Variants in N4BP2 observed in about 807,000 individuals in gnomAD.
N4BP2 encodes the protein NEDD4 binding protein 2.
N4BP2 carries 91 observed loss-of-function variants against 152.8 expected under a neutral mutation model. The observed-to-expected ratio is 0.60, with a 90% CI of 0.50 to 0.71. The LOEUF (loss-of-function observed/expected upper bound fraction) is 0.71, where lower values mean the gene tolerates loss of function less well. Among genes scored for constraint, N4BP2 ranks in the 30% least tolerant of loss-of-function variants. The pLI, the probability that N4BP2 is intolerant of heterozygous loss-of-function variation, is 0.00. For synonymous variants in N4BP2, 646 were observed against 705.3 expected (o/e 0.92, Z 1.33); for missense variants, 1,923 against 2,059.1 (o/e 0.93, Z 1.28).
chr4:40,095,573 G>C (rs1715035085), intron 2 of N4BP2, among the ~76,000 whole-genome samples: 1 of 152,176 alleles, frequency 6.6e-6, no homozygotes, highest in African/African-American at 2.4e-5. Flanking sequence ...TGCAGTTCTG[G>C]AAGGTGGAGA....
intron 2 of N4BP2, among the ~76,000 whole-genome samples, chr4:40,091,201 C>T (rs993895543): frequency 6.6e-6 from 1 of 151,942 alleles, no homozygotes; most frequent in Admixed American, 6.6e-5. Context: ...ACCATGTTAT[C>T]TGCAAATAGG....
intron 2 of N4BP2, among the ~76,000 whole-genome samples, chr4:40,083,734 A>G (rs1278517598): frequency 6.6e-6 from 1 of 152,150 alleles, no homozygotes; most frequent in South Asian, 2.1e-4. Flanking sequence ...GAGTTAATAG[A>G]AATGTTCTGG....
chr4:40,120,523 C>G lies in N4BP2; in HGVS notation c.2412C>G (p.Asn804Lys). The change falls in exon 9 of 18, where the codon AAC becomes AAG. Residue 804 changes from asparagine to lysine, a missense_variant. Coordinates refer to ENST00000261435, the MANE Select transcript of N4BP2 (RefSeq NM_018177.6). ...DKTIGQRTKR[N>K]RKTEKTSSVQ... ...CTATTGGTCAGAGGACAAAAAGGAA[C>G]AGAAAAACTGAAAAAACTTCATCCG... 6.2e-7 allele frequency: 1 copy of G among 1,613,250 alleles called. No individual in the cohort carries two copies. Among genetic ancestry groups the G allele is most frequent in the Non-Finnish European group, 8.5e-7 (1 of 1,179,808 alleles).
At chr4:40,153,782 TC>T (rs1299206382) in intron 17 of N4BP2, among the ~76,000 whole-genome samples, 1 of 152,236 alleles carries the variant, frequency 6.6e-6, no homozygotes, top group African/African-American at 2.4e-5. Context: ...AGACTAGTCT[TC>T]CTTTAAATTC....
chr4:40,129,881 ATAAT>A (rs1392635753), intron 12 of N4BP2, among the ~76,000 whole-genome samples: 1 of 152,200 alleles, frequency 6.6e-6, no homozygotes. Flanking sequence ...TATGAATAGA[ATAAT>A]TAATTTTAAG....
the N4BP2 span, among the ~76,000 whole-genome samples, chr4:40,182,025 C>T: frequency 4.7e-4 from 72 of 152,318 alleles, no homozygotes; most frequent in African/African-American, 1.7e-3. Flanking sequence ...AGGTTGCTTA[C>T]ACCCCATTAC....
chr4:40,089,731 C>A (rs1266674323), intron 2 of N4BP2, among the ~76,000 whole-genome samples: 1 of 152,170 alleles, frequency 6.6e-6, no homozygotes, highest in African/African-American at 2.4e-5. Flanking sequence ...GCCACTGCAC[C>A]CAGCCACGAT....
chr4:40,136,153 T>C (rs1389467499), intron 13 of N4BP2, among the ~76,000 whole-genome samples: 3 of 152,148 alleles, frequency 2.0e-5, no homozygotes, highest in Admixed American at 6.5e-5. Flanking sequence ...AGAATTTGAC[T>C]AAAATCCCAT....
At position 40,139,703 on chromosome 4, in the gene N4BP2, A is replaced by G. The variant is rs185183941; in HGVS notation, c.4785+2621A>G. On this transcript the variant is annotated intron_variant, in intron 14 of 17. Transcript: ENST00000261435. ...AGACGGGGTTTCACTGTCTTGGCCA[A>G]GCTGGTCTTGAACTCCTGACCTTGT... is the stretch of plus-strand genomic sequence containing the variant. Among the ~76,000 whole-genome samples the G allele has an allele frequency of 2.4e-3, 359 of 151,162 alleles. 1 individual carries two copies. The highest frequency in any genetic ancestry group is 8.3e-3 in the African/African-American group (341 of 41,138).
At chr4:40,141,294 G>A (rs1197969802) in intron 14 of N4BP2, among the ~76,000 whole-genome samples, 1 of 151,758 alleles carries the variant, frequency 6.6e-6, no homozygotes, top group Non-Finnish European at 1.5e-5. Flanking sequence ...CCTGGACGGG[G>A]TGGCTGCCGG....
At chr4:40,059,346 A>T (rs2109879882) in intron 1 of N4BP2, among the ~76,000 whole-genome samples, 1 of 152,050 alleles carries the variant, frequency 6.6e-6, no homozygotes, top group East Asian at 1.9e-4. Flanking sequence ...CTTTAGAAGT[A>T]GTTTATGTTA....
chr4:40,127,841 T>G (rs1718561035), intron 12 of N4BP2, among the ~76,000 whole-genome samples: 1 of 152,138 alleles, frequency 6.6e-6, no homozygotes, highest in Non-Finnish European at 1.5e-5. Flanking sequence ...TTTGTATTTT[T>G]TAGTAGAGAC....
rs1715212470 is a variant in N4BP2, at chr4:40,097,546, T to C, written c.206T>C (p.Met69Thr). 6.2e-7 allele frequency: 1 copy of C among 1,612,518 alleles called. No homozygotes were observed. Among genetic ancestry groups the C allele is most frequent in the Non-Finnish European group, 8.5e-7 (1 of 1,178,618 alleles). The change falls in exon 3 of 18, where the codon ATG (methionine) becomes ACG (threonine). Residue 69 changes from methionine to threonine, a missense_variant. Met to Thr is a moderately conservative substitution (Grantham distance 81). Coordinates refer to ENST00000261435, the MANE Select transcript of N4BP2 (RefSeq NM_018177.6). ...SDLDPDVVYL[M>T]LSECDFKVEN... ...CTGGATCCTGATGTAGTGTATTTGA[T>C]GCTTTCTGAATGTGATTTCAAAGGT... is the stretch of plus-strand genomic sequence containing the variant.
chr4:40,187,182 G>A, the N4BP2 span, among the ~76,000 whole-genome samples: 1 of 151,948 alleles, frequency 6.6e-6, no homozygotes, highest in East Asian at 1.9e-4. Flanking sequence ...TTGCCAATAG[G>A]TCAACTATAA....
chr4:40,105,325 A>AT (rs34758221), intron 4 of N4BP2, among the ~76,000 whole-genome samples: 874 of 136,910 alleles, frequency 6.4e-3, no homozygotes, highest in Non-Finnish European at 7.8e-3. Flanking sequence ...TGTAGTTACA[A>AT]TTTTTTTTTT....
chr4:40,059,966 T>C (rs1733527164), intron 1 of N4BP2, among the ~76,000 whole-genome samples: 1 of 152,160 alleles, frequency 6.6e-6, no homozygotes, highest in African/African-American at 2.4e-5. Flanking sequence ...TCAGTCAAAC[T>C]TAGATCTTTG....
At chr4:40,073,875 C>G (rs1174288271) in intron 2 of N4BP2, among the ~76,000 whole-genome samples, 1 of 152,218 alleles carries the variant, frequency 6.6e-6, no homozygotes, top group East Asian at 1.9e-4. Context: ...TCACTGCAAC[C>G]TCTGCTTCCC....
At chr4:40,178,001 A>T in the N4BP2 span, among the ~76,000 whole-genome samples, 1 of 152,158 alleles carries the variant, frequency 6.6e-6, no homozygotes, top group Non-Finnish European at 1.5e-5. Context: ...GAAAAAAACA[A>T]AAACAAAAAA....
At chr4:40,101,155 T>A (rs1238004994) in intron 3 of N4BP2, among the ~76,000 whole-genome samples, 1 of 151,344 alleles carries the variant, frequency 6.6e-6, no homozygotes, top group African/African-American at 2.4e-5. Flanking sequence ...TGTGCATTAT[T>A]TATTTATTTA....
Sources: allele counts gnomAD v4.1 joint callset (sites outside exome capture counted in the v4.1 genomes callset), GRCh38; gene constraint gnomAD v4.1.1; transcripts MANE v1.5; gene names NCBI Gene and HGNC (gene_info 2026-07-23, HGNC 2026-07-21).